The following TMEM176A variants were observed in gnomAD, a reference collection of about 807,000 sequenced individuals.
TMEM176A encodes the protein transmembrane protein 176A, also known as hepatocellular carcinoma-associated antigen 112.
In TMEM176A, 20 loss-of-function variants were observed where a neutral mutation model predicts 27.9. The observed-to-expected ratio is 0.72, with a 90% CI of 0.50 to 1.04. The LOEUF is 1.04. Ranked by LOEUF, TMEM176A falls within the 50% of genes least tolerant of loss-of-function variation. The probability of loss-of-function intolerance (pLI) is 0.00; values close to 1 mark genes in which losing one functional copy is unlikely to be tolerated. For missense variants in TMEM176A, 252 were observed against 289.1 expected (o/e 0.87, Z 0.93); for synonymous variants, 125 against 118.0 (o/e 1.06, Z -0.38).
intron 1 of TMEM176A, chr7:150,801,041 G>C: frequency 1.0e-6 from 1 of 967,804 alleles, no homozygotes; most frequent in Non-Finnish European, 1.2e-6. Flanking sequence ...GCGTGAACCC[G>C]TCGGGCGTGA....
At chr7:150,803,033 T>G in intron 3 of TMEM176A, 1 of 1,018,698 alleles carries the variant, frequency 9.8e-7, no homozygotes, top group Non-Finnish European at 1.2e-6. Context: ...GCCCACTCTG[T>G]ATAGACTCAC....
chr7:150,801,988 G>A, intron 2 of TMEM176A: 1 of 613,394 alleles, frequency 1.6e-6, no homozygotes, highest in Non-Finnish European at 2.9e-6. Context: ...AACTCAGGAT[G>A]GGCCGGCTCT....
In TMEM176A at chr7:150,803,505, C is replaced by T. The variant is rs77405077; in HGVS notation, c.342+49C>T. The T allele has an allele frequency of 6.8e-3, 10,654 of 1,572,720 alleles. 297 individuals are homozygous for T. In the East Asian group the frequency reaches 0.071, roughly 11 times the overall value. ...AGGGGACCAGGTTCAGGCTGGAGGT[C>T]ACCCCAATCTCCTGCCCTGTTGCAG... On this transcript the variant is annotated intron_variant, in intron 4 of 6. Coordinates refer to ENST00000004103, the MANE Select transcript of TMEM176A (RefSeq NM_018487.3).
intron 2 of TMEM176A, 69 bp from the exon 3 acceptor site, chr7:150,802,145 GT>G: frequency 8.2e-7 from 1 of 1,214,470 alleles, no homozygotes; most frequent in Non-Finnish European, 1.2e-6. Flanking sequence ...TCTTTTTGGG[GT>G]TTTAGCGGTT....
intron 3 of TMEM176A, 75 bp downstream of exon 3, chr7:150,802,400 C>T (rs1199470171): frequency 1.6e-6 from 2 of 1,280,768 alleles, no homozygotes; most frequent in African/African-American, 2.9e-5. Context: ...CTTCCTCCAA[C>T]ATGGCGCCAC....
At chr7:150,801,441 T>G in intron 1 of TMEM176A, 95 bp from the exon 2 acceptor site, 1 of 1,338,280 alleles carries the variant, frequency 7.5e-7, no homozygotes, top group South Asian at 1.4e-5. Context: ...ATTGGGTGAC[T>G]TTGAGCCACC....
At position 150,803,655 on chromosome 7, in the gene TMEM176A, C is replaced by T. The variant is rs747146997; in HGVS notation, c.378C>T (p.Phe126=). Residue 126 remains phenylalanine, a synonymous_variant, in exon 5 of 7, where the codon TTC becomes TTT. Coordinates refer to ENST00000004103, the MANE Select transcript of TMEM176A (RefSeq NM_018487.3). The part of the protein sequence containing the change: ...LLRTLLTLAA[F]STAIAALKLW... ...GGACTCTGCTAACGCTGGCAGCTTT[C>T]TCCACAGCCATCGCTGCCCTCAAAC... is the stretch of plus-strand genomic sequence containing the variant. The T allele has an allele frequency of 4.6e-5, 75 of 1,613,994 alleles. No individual in the cohort carries two copies. The highest frequency in any genetic ancestry group is 6.3e-5 in the Non-Finnish European group (74 of 1,180,050).
chr7:150,803,168 A>G, intron 3 of TMEM176A: 1 of 1,277,116 alleles, frequency 7.8e-7, no homozygotes, highest in Non-Finnish European at 9.9e-7. Flanking sequence ...AGGGGCTCAC[A>G]CCTGGCTTGA....
chr7:150,801,647 C>T lies in TMEM176A; in HGVS notation c.97C>T (p.Leu33=). The T allele has an allele frequency of 6.2e-7, 1 of 1,613,230 alleles. No individual in the cohort carries two copies. The highest frequency in any genetic ancestry group is 8.5e-7 in the Non-Finnish European group (1 of 1,179,870). The change falls in exon 2 of 7, where the codon CTG becomes TTG. Residue 33 remains leucine (L), a synonymous_variant. Transcript: ENST00000004103. The part of the protein sequence containing the change: ...IHQESALAKL[L]LTCCSALRPR... ...CCAGGAGTCTGCCCTGGCCAAGCTC[C>T]TGCTCACCTGCTGCTCTGCGCTGCG...
chr7:150,801,601 C>T lies in TMEM176A; in HGVS notation c.51C>T (p.Thr17=), dbSNP rs543908099. 124 of 1,613,552 alleles carry T rather than the reference C, an allele frequency of 7.7e-5. No homozygotes were observed. The South Asian group carries it at 1.3e-3, about 17-fold the overall frequency. Residue 17 remains threonine, a synonymous_variant, in exon 2 of 7, where the codon ACC becomes ACT. Transcript: ENST00000004103. ...TGGCCCCGGAGGCCCCACAGCACAC[C>T]CACATCGATGTGCACATCCACCAGG... ...DEMAPEAPQH[T]HIDVHIHQES... is the part of the protein sequence containing the mutation.
chr7:150,804,340 G>A, intron 5 of TMEM176A, 22 bp from the exon 6 acceptor site: 1 of 1,588,150 alleles, frequency 6.3e-7, no homozygotes. Context: ...TGGTGCTTAT[G>A]GCCTTGGCCC....
chr7:150,804,484 A>G lies in TMEM176A; in HGVS notation c.666+12A>G, dbSNP rs772482997. The G allele has an allele frequency of 2.0e-5, 32 of 1,603,350 alleles. No homozygotes were observed. The highest frequency in any genetic ancestry group is 2.6e-5 in the Non-Finnish European group (31 of 1,170,406). On this transcript the variant is annotated intron_variant, in intron 6 of 6. Coordinates refer to ENST00000004103, the MANE Select transcript of TMEM176A (RefSeq NM_018487.3). ...TCCCAACCAAAGGGGTGAGTCCCTA[A>G]GGTGTGTGCCTGTGTATTTGGGGCA...
At chr7:150,802,893 C>T (rs1798845967) in intron 3 of TMEM176A, 1 of 988,570 alleles carries the variant, frequency 1.0e-6, no homozygotes, top group African/African-American at 1.7e-5. Flanking sequence ...AAATACCCAG[C>T]TTAATTACAG....
rs1335059398 is a variant in TMEM176A at position 150,801,743 on chromosome 7, C to T, written c.174+19C>T. On this transcript the variant is annotated intron_variant, in intron 2 of 6. Transcript: ENST00000004103. ...CTCGTGGGTGAGTGTGACGGCCTGC[C>T]TCGTCGGGCGGCGGGAGGAACTCCC... The T allele has an allele frequency of 4.7e-6, 7 of 1,488,726 alleles. No individual in the cohort carries two copies. The highest frequency in any genetic ancestry group is 6.2e-6 in the Non-Finnish European group (7 of 1,129,268). The allele number at this position is 1,488,726 out of a possible 1,614,324, so 92.2% of individuals were successfully genotyped here.
At chr7:150,801,828 TTA>T in intron 2 of TMEM176A, 104 bp downstream of exon 2, 1 of 1,113,216 alleles carries the variant, frequency 9.0e-7, no homozygotes, top group South Asian at 1.6e-5. Flanking sequence ...ACCGAGCCAG[TTA>T]TGTCTTCTTA....
chr7:150,803,247 C>T, intron 3 of TMEM176A, 153 bp from the exon 4 acceptor site: 1 of 1,374,714 alleles, frequency 7.3e-7, no homozygotes, highest in African/African-American at 1.5e-5. Flanking sequence ...AGGCTCCACC[C>T]TCTCAGCAAT....
chr7:150,804,823 T>C lies in TMEM176A; in HGVS notation c.667-4T>C, dbSNP rs1798888480. On this transcript the variant is annotated splice_region_variant and splice_polypyrimidine_tract_variant and intron_variant, in intron 6 of 6. Transcript: ENST00000004103. ...CGATTGTCTTGCCTTTCCTCTTCCA[T>C]TAGAAAAGAGACCAGAAGGAAATGT... is the stretch of plus-strand genomic sequence containing the variant. 1.2e-6 allele frequency: 2 copies of C among 1,614,140 alleles called. No individual in the cohort carries two copies. Among genetic ancestry groups the C allele is most frequent in the South Asian group, 2.2e-5 (2 of 91,086 alleles).
At chr7:150,803,207 G>A in intron 3 of TMEM176A, 193 bp from the exon 4 acceptor site, 1 of 1,336,854 alleles carries the variant, frequency 7.5e-7, no homozygotes, top group African/African-American at 1.5e-5. Flanking sequence ...CACTAAAGCA[G>A]GGCCTTTTGC....
Position 150,805,083 on chromosome 7 carries a change from G to C in TMEM176A, c.*215G>C. ...TCCGCTTCATGTCCCCTCCTGAGTA[G>C]TCATGTGATAATAAACTCTCATGTT... On this transcript the variant is annotated 3_prime_UTR_variant, in exon 7 of 7. Transcript: ENST00000004103. The C allele has an allele frequency of 1.7e-6, 1 of 573,514 alleles. No homozygotes were observed. The highest frequency in any genetic ancestry group is 3.1e-6 in the Non-Finnish European group (1 of 323,026). 35.5% of individuals were successfully genotyped at this position (573,514 alleles called of 1,614,324 possible).
Sources: gnomAD v4.1 joint callset for allele counts on GRCh38, gnomAD v4.1.1 for gene constraint, MANE v1.5 for transcripts, NCBI Gene and HGNC (gene_info 2026-07-23, HGNC 2026-07-21) for gene names.